SLC25A48: variants seen among roughly 807,000 people sequenced by gnomAD.
SLC25A48 encodes CTC-321K16.1.
In SLC25A48, 29 loss-of-function variants were observed where a neutral mutation model predicts 32.2. That is an observed-to-expected ratio of 0.90 (90% CI 0.67 to 1.23). The LOEUF (loss-of-function observed/expected upper bound fraction) is 1.23. Among genes scored for constraint, SLC25A48 ranks in the 50% most tolerant of loss-of-function variants. SLC25A48 has a pLI of 0.00. For synonymous variants in SLC25A48, 164 were observed against 172.3 expected (o/e 0.95, Z 0.38); for missense variants, 399 against 422.7 (o/e 0.94, Z 0.49).
At chr5:135,874,828 T>C in intron 6 of SLC25A48, 1 of 554,362 alleles carries the variant, frequency 1.8e-6, no homozygotes, top group Non-Finnish European at 3.2e-6. Flanking sequence ...TTCATCACCC[T>C]CCGCAGGAAC....
At chr5:135,727,131 T>C (rs1755107985) in intron 3 of SLC25A48, among the ~76,000 whole-genome samples, 1 of 152,008 alleles carries the variant, frequency 6.6e-6, no homozygotes, top group Non-Finnish European at 1.5e-5. Flanking sequence ...TTGTCTTTTG[T>C]CCATTTTTAA....
At chr5:135,708,775 C>T (rs1328418949) in intron 3 of SLC25A48, among the ~76,000 whole-genome samples, 2 of 152,208 alleles carry the variant, frequency 1.3e-5, no homozygotes, top group African/African-American at 4.8e-5. Context: ...AATCATTCTT[C>T]ATGACTTCTG....
chr5:135,779,136 C>T (rs983546928), intron 3 of SLC25A48, among the ~76,000 whole-genome samples: 3 of 151,214 alleles, frequency 2.0e-5, no homozygotes, highest in South Asian at 2.1e-4. Context: ...TTGCTGGAAG[C>T]GTACACCCAC....
At chr5:135,784,160 C>T (rs12515061) in intron 3 of SLC25A48, among the ~76,000 whole-genome samples, 1,720 of 115,610 alleles carry the variant, frequency 0.015, 426 homozygotes, top group East Asian at 0.14. Context: ...AAAAAGGGGA[C>T]GACATTACTT....
chr5:135,884,017 TTCTC>T (rs1437700268), intron 7 of SLC25A48, among the ~76,000 whole-genome samples: 1 of 152,186 alleles, frequency 6.6e-6, no homozygotes, highest in African/African-American at 2.4e-5. Context: ...CTCAGAGTCT[TTCTC>T]AGCACAGTGC....
At chr5:135,837,662 T>G (rs1758647877) in intron 1 of SLC25A48, among the ~76,000 whole-genome samples, 1 of 151,856 alleles carries the variant, frequency 6.6e-6, no homozygotes, top group African/African-American at 2.4e-5. Flanking sequence ...TCTCATGAGA[T>G]CCAATGGCTT....
chr5:135,843,686 T>A lies in SLC25A48; in HGVS notation c.90+1227T>A, dbSNP rs143164803. On this transcript the variant is annotated intron_variant, in intron 2 of 7. Transcript: ENST00000681962. ...AAGAGCCAGATACGCAGAACTGAGGTCAGAGTGCTATTCACAGAGGGACAA... is the reference window on the plus strand; with the variant it reads ...AAGAGCCAGATACGCAGAACTGAGGACAGAGTGCTATTCACAGAGGGACAA... Among the ~76,000 whole-genome samples, 41 of 152,198 alleles carry A rather than the reference T, an allele frequency of 2.7e-4. 1 individual carries two copies. The East Asian group carries it at 7.7e-3, about 29-fold the overall frequency.
intron 3 of SLC25A48, among the ~76,000 whole-genome samples, chr5:135,733,459 G>A (rs1755280823): frequency 6.6e-6 from 1 of 152,204 alleles, no homozygotes; most frequent in South Asian, 2.1e-4. Context: ...CAAAGAGTGA[G>A]TATAGCTGAA....
At chr5:135,835,202 G>A (rs1758394669) in intron 1 of SLC25A48, 3 of 601,916 alleles carry the variant, frequency 5.0e-6, no homozygotes, top group Non-Finnish European at 9.3e-6. Flanking sequence ...GCTCCTGGCG[G>A]CGCACACACC....
rs375437028 is a variant in SLC25A48, at chr5:135,619,086, A to G, written c.-848-10151A>G. On this transcript the variant is annotated intron_variant, in intron 1 of 10. Transcript: ENST00000646290. Reference sequence around the variant, plus strand: ...TCTTTTGCTTTATTTAACAAATTTTATAACTCTTTTGTTTTCTTTTCACCT... The same window carrying G: ...TCTTTTGCTTTATTTAACAAATTTTGTAACTCTTTTGTTTTCTTTTCACCT... Among the ~76,000 whole-genome samples the G allele has an allele frequency of 1.8e-4, 27 of 152,202 alleles. 1 individual carries two copies. The highest frequency in any genetic ancestry group is 6.3e-4 in the African/African-American group (26 of 41,566).
At chr5:135,621,185 A>G (rs1305985551) in intron 1 of SLC25A48, among the ~76,000 whole-genome samples, 1 of 152,144 alleles carries the variant, frequency 6.6e-6, no homozygotes. Flanking sequence ...TACTTACTGG[A>G]TGTGTAATCT....
chr5:135,769,604 A>AC, intron 3 of SLC25A48, among the ~76,000 whole-genome samples: 1 of 150,700 alleles, frequency 6.6e-6, no homozygotes, highest in Middle Eastern at 3.4e-3. Flanking sequence ...GGGATGTACA[A>AC]CCCCCTGTGA....
At chr5:135,849,357 G>A (rs1276684969) in intron 2 of SLC25A48, among the ~76,000 whole-genome samples, 1 of 152,170 alleles carries the variant, frequency 6.6e-6, no homozygotes, top group Non-Finnish European at 1.5e-5. Context: ...TGCTGTGTGT[G>A]CTGACAAAGT....
At chr5:135,838,489 T>C (rs1758719900) in intron 1 of SLC25A48, among the ~76,000 whole-genome samples, 1 of 151,820 alleles carries the variant, frequency 6.6e-6, no homozygotes, top group South Asian at 2.1e-4. Flanking sequence ...ACCAAGACAG[T>C]GGGGTAAATA....
intron 7 of SLC25A48, among the ~76,000 whole-genome samples, chr5:135,882,298 A>G (rs1762532991): frequency 6.6e-6 from 1 of 152,186 alleles, no homozygotes; most frequent in Admixed American, 6.5e-5. Context: ...CCAAATACCA[A>G]GGCCTTTTAA....
At chr5:135,850,603 C>A in intron 3 of SLC25A48, 107 bp downstream of exon 3, 2 of 966,866 alleles carry the variant, frequency 2.1e-6, no homozygotes, top group Non-Finnish European at 3.2e-6. Context: ...TCTCATCCTG[C>A]TCTTCACACT....
chr5:135,776,892 A>G (rs56357500), intron 3 of SLC25A48, among the ~76,000 whole-genome samples: 61,108 of 151,716 alleles, frequency 0.4, 14,195 homozygotes, highest in Non-Finnish European at 0.52. Flanking sequence ...CCAGATAAAG[A>G]TATGATAATG....
At chr5:135,792,518 A>G (rs1757058552) in intron 3 of SLC25A48, among the ~76,000 whole-genome samples, 1 of 151,212 alleles carries the variant, frequency 6.6e-6, no homozygotes, top group Admixed American at 6.6e-5. Flanking sequence ...GGTTACATGT[A>G]ATGTAACCAT....
chr5:135,792,108 G>A (rs998696099), intron 3 of SLC25A48, among the ~76,000 whole-genome samples: 1 of 151,712 alleles, frequency 6.6e-6, no homozygotes, highest in South Asian at 2.1e-4. Context: ...CGCCAAGTGT[G>A]TACACACCCT....
Sources: gnomAD v4.1 joint callset for allele counts (sites outside exome capture counted in the v4.1 genomes callset) on GRCh38, gnomAD v4.1.1 for gene constraint, MANE v1.5 for transcripts, NCBI Gene and HGNC (gene_info 2026-07-23, HGNC 2026-07-21) for gene names.